Variants in PSD2 observed in about 807,000 individuals in gnomAD.
PSD2 encodes pleckstrin and Sec7 domain containing 2.
PSD2 carries 38 observed loss-of-function variants against 69.8 expected under a neutral mutation model. The observed-to-expected ratio is 0.54, with a 90% confidence interval of 0.42 to 0.71. The LOEUF (loss-of-function observed/expected upper bound fraction) is 0.71. PSD2 is among the 30% of genes least tolerant of loss of function. The pLI, the probability that PSD2 is intolerant of heterozygous loss-of-function variation, is 0.00. For missense variants in PSD2, 943 were observed against 1,014.5 expected (o/e 0.93, Z 0.96); for synonymous variants, 412 against 423.0 (o/e 0.97, Z 0.32).
Position 139,835,780 on chromosome 5 carries a change from A to T in PSD2, c.1403+14A>T. On this transcript the variant is annotated intron_variant, in intron 9 of 14. Transcript: ENST00000274710. ...GGAATGGGCCATGTGAGTAGTGACG[A>T]TGGGCACAGGTATGGGGAGCATACA... 6.2e-7 allele frequency: 1 copy of T among 1,613,588 alleles called. No individual in the cohort carries two copies.
upstream of PSD2, among the ~76,000 whole-genome samples, chr5:139,791,097 C>T (rs1261896866): frequency 1.3e-5 from 2 of 151,804 alleles, no homozygotes; most frequent in Non-Finnish European, 2.9e-5. Context: ...TCCAGGTGGA[C>T]CTGGCTACAC....
chr5:139,750,180 G>T, the PSD2 span, among the ~76,000 whole-genome samples: 3 of 152,036 alleles, frequency 2.0e-5, no homozygotes, highest in Admixed American at 6.6e-5. Context: ...AAAAAAATTA[G>T]CCAGGTGTAG....
chr5:139,836,326 G>A (rs1192992694), intron 9 of PSD2, among the ~76,000 whole-genome samples: 1 of 152,176 alleles, frequency 6.6e-6, no homozygotes, highest in East Asian at 1.9e-4. Context: ...CCTCAGGCAG[G>A]GATTAGCAGG....
At chr5:139,784,859 A>G in the PSD2 span, among the ~76,000 whole-genome samples, 1 of 151,382 alleles carries the variant, frequency 6.6e-6, no homozygotes, top group Non-Finnish European at 1.5e-5. Flanking sequence ...GGTTCAAATG[A>G]TTTTCCTGTC....
intron 2 of PSD2, among the ~76,000 whole-genome samples, chr5:139,811,016 A>G (rs1759944512): frequency 6.6e-6 from 1 of 152,144 alleles, no homozygotes; most frequent in Non-Finnish European, 1.5e-5. Context: ...CCCCACAAGC[A>G]GGGCTCTGTC....
chr5:139,759,030 A>C, the PSD2 span, among the ~76,000 whole-genome samples: 1 of 152,064 alleles, frequency 6.6e-6, no homozygotes, highest in Admixed American at 6.5e-5. Context: ...CTCACATTCC[A>C]TGCTCCAGGT....
intron 7 of PSD2, among the ~76,000 whole-genome samples, chr5:139,829,856 T>C (rs1760527800): frequency 6.6e-6 from 1 of 152,224 alleles, no homozygotes; most frequent in Admixed American, 6.5e-5. Flanking sequence ...TACCTAGGAT[T>C]GACTTGCTGG....
Position 139,843,355 on chromosome 5 carries a change from C to G in PSD2, c.*881C>G, listed in dbSNP as rs1760923575. On this transcript the variant is annotated 3_prime_UTR_variant, in exon 15 of 15. Transcript: ENST00000274710. Reference sequence around the variant, plus strand: ...TGACCTGTGACTTATACTGCTCTTACCGATGATACTTTTGGAAAAAATAGA... The same window carrying G: ...TGACCTGTGACTTATACTGCTCTTAGCGATGATACTTTTGGAAAAAATAGA... The G allele has an allele frequency of 6.6e-6, 1 of 152,232 alleles. No individual in the cohort carries two copies. The highest frequency in any genetic ancestry group is 2.4e-5 in the African/African-American group (1 of 41,448). The allele number at this position is 152,232 out of a possible 1,614,324, so 9.4% of individuals were successfully genotyped here.
intron 2 of PSD2, among the ~76,000 whole-genome samples, chr5:139,811,835 C>T (rs1035905846): frequency 4.6e-5 from 7 of 152,116 alleles, no homozygotes; most frequent in African/African-American, 1.7e-4. Context: ...CCTCGTGATC[C>T]ACCTGTCTCG....
intron 1 of PSD2, among the ~76,000 whole-genome samples, chr5:139,808,637 G>A (rs922864911): frequency 6.6e-6 from 1 of 152,172 alleles, no homozygotes. Flanking sequence ...ATGGGGGCCC[G>A]GGAGTGGAGG....
In PSD2 at chr5:139,839,985, T is replaced by C; in HGVS notation, c.1969-42T>C. ...ACAGGATTTGAGCCACTCCGTGACA[T>C]CCTGAGAGTAAGGCCTCACAGTCCA... On this transcript the variant is annotated intron_variant, in intron 13 of 14. Coordinates refer to ENST00000274710, the MANE Select transcript of PSD2 (RefSeq NM_032289.4). The surrounding 1 kb of genome is among the most constrained non-coding windows in gnomAD (Gnocchi z 5.1). 1.9e-6 allele frequency: 3 copies of C among 1,611,102 alleles called. No homozygotes were observed. The highest frequency in any genetic ancestry group is 2.5e-6 in the Non-Finnish European group (3 of 1,177,792).
At chr5:139,812,572 G>A (rs1020266004) in intron 2 of PSD2, among the ~76,000 whole-genome samples, 5 of 152,330 alleles carry the variant, frequency 3.3e-5, no homozygotes, top group South Asian at 2.1e-4. Context: ...GTAAACAGGG[G>A]AACAGACAGA....
At chr5:139,836,347 C>T (rs1760717427) in intron 9 of PSD2, among the ~76,000 whole-genome samples, 2 of 152,184 alleles carry the variant, frequency 1.3e-5, no homozygotes, top group South Asian at 4.1e-4. Context: ...AACTCCAACC[C>T]CACAGGGAAG....
chr5:139,775,706 T>C, the PSD2 span, among the ~76,000 whole-genome samples: 1 of 152,170 alleles, frequency 6.6e-6, no homozygotes, highest in African/African-American at 2.4e-5. Flanking sequence ...AGAGCTCTTA[T>C]CGCCCAGGCT....
intron 7 of PSD2, among the ~76,000 whole-genome samples, chr5:139,830,602 TTC>T (rs1430358400): frequency 7.8e-6 from 1 of 128,482 alleles, no homozygotes; most frequent in Non-Finnish European, 1.6e-5. Context: ...TTTTCTTTCT[TTC>T]TTTCTCTTTC....
rs191498699 is a variant in PSD2 at position 139,839,191 on chromosome 5, C to T, written c.1968+419C>T. Among the ~76,000 whole-genome samples the T allele has an allele frequency of 6.6e-6, 1 of 152,374 alleles. No homozygotes were observed. Among genetic ancestry groups the T allele is most frequent in the East Asian group, 1.9e-4 (1 of 5,188 alleles). ...TTATTTGTAATCCTAGAAAACCCAA[C>T]ACACCCATGCTGCAGGTTCTCAGGG... On this transcript the variant is annotated intron_variant, in intron 13 of 14. Transcript: ENST00000274710. The surrounding 1 kb of genome is among the most constrained non-coding windows in gnomAD (Gnocchi z 5.1).
intron 2 of PSD2, among the ~76,000 whole-genome samples, chr5:139,811,662 T>C (rs548572581): frequency 6.6e-6 from 1 of 152,182 alleles, no homozygotes; most frequent in East Asian, 1.9e-4. Context: ...TGGCACAATC[T>C]CAACTCACTG....
At chr5:139,786,419 A>G in the PSD2 span, among the ~76,000 whole-genome samples, 1 of 152,184 alleles carries the variant, frequency 6.6e-6, no homozygotes, top group Non-Finnish European at 1.5e-5. Context: ...TAGATAAATA[A>G]ATACATTTTT....
chr5:139,815,759 C>T (rs1273851873), intron 4 of PSD2, among the ~76,000 whole-genome samples: 5 of 151,986 alleles, frequency 3.3e-5, no homozygotes, highest in South Asian at 2.1e-4. Flanking sequence ...TTTGGGAGGC[C>T]GAGGTGGGCG....
Sources: gnomAD v4.1 joint callset for allele counts (sites outside exome capture counted in the v4.1 genomes callset) on GRCh38, gnomAD v4.1.1 for gene constraint, Gnocchi (gnomAD v3.1) non-coding constraint, MANE v1.5 for transcripts, NCBI Gene and HGNC (gene_info 2026-07-23, HGNC 2026-07-21) for gene names.